CCNY: variants seen among roughly 807,000 people sequenced by gnomAD.
The protein encoded by CCNY is cyclin Y.
Under a neutral mutation model 42.8 loss-of-function variants are expected in CCNY, and 19 were observed. The ratio of observed to expected loss-of-function variants is 0.44; its 90% CI spans 0.31 to 0.65. The LOEUF is 0.65. CCNY is among the 30% of genes least tolerant of loss of function. The pLI is 0.07. For synonymous variants in CCNY, 165 were observed against 162.7 expected (o/e 1.01, Z -0.11); for missense variants, 370 against 437.3 (o/e 0.85, Z 1.37).
At chr10:35,252,392 C>T (rs1335737059) in intron 3 of CCNY, among the ~76,000 whole-genome samples, 1 of 151,726 alleles carries the variant, frequency 6.6e-6, no homozygotes, top group Non-Finnish European at 1.5e-5. Context: ...GGTGAAACCC[C>T]GTCTCTACTA....
chr10:35,426,109 GCGCACACA>G (rs1421128611), intron 1 of CCNY, among the ~76,000 whole-genome samples: 6,291 of 111,676 alleles, frequency 0.056, 268 homozygotes, highest in African/African-American at 0.084. Flanking sequence ...GGTCCAGCAC[GCGCACACA>G]CACACACACA....
chr10:35,513,586 T>G (rs771037966), intron 3 of CCNY, among the ~76,000 whole-genome samples: 23 of 152,212 alleles, frequency 1.5e-4, no homozygotes, highest in Non-Finnish European at 2.9e-4. Flanking sequence ...AAATACTAAT[T>G]CATGCACTCC....
intron 8 of CCNY, among the ~76,000 whole-genome samples, chr10:35,562,727 C>T (rs185847598): frequency 2.6e-5 from 4 of 152,264 alleles, no homozygotes; most frequent in East Asian, 3.9e-4. Flanking sequence ...CCCATGGACA[C>T]TTGGGTTACC....
chr10:35,441,199 A>G lies in CCNY; in HGVS notation c.155-42205A>G, dbSNP rs556864019. The stretch of plus-strand genomic sequence containing the variant: ...CTTCTGAATACCGCCTTGTTTTACC[A>G]TGTTGCAGAATGGAACCATTGTAAG... On this transcript the variant is annotated intron_variant, in intron 1 of 9. Transcript: ENST00000374704. Among the ~76,000 whole-genome samples, 6 of 152,332 alleles carry G rather than the reference A, an allele frequency of 3.9e-5. No homozygotes were observed. The South Asian group carries it at 1.2e-3, about 32-fold the overall frequency.
intron 1 of CCNY, among the ~76,000 whole-genome samples, chr10:35,374,456 A>C (rs1164800407): frequency 6.6e-6 from 1 of 152,216 alleles, no homozygotes; most frequent in Non-Finnish European, 1.5e-5. Context: ...CAGGGGTTTT[A>C]TCTCTCATCT....
chr10:35,304,319 T>A lies in CCNY; in HGVS notation c.-9+53693T>A, dbSNP rs1173011522. Among the ~76,000 whole-genome samples the A allele has an allele frequency of 1.6e-4, 17 of 108,110 alleles. 6 individuals are homozygous for A. The highest frequency in any genetic ancestry group is 3.2e-4 in the South Asian group (1 of 3,144). The allele number at this position is 108,110 out of a possible 152,430, so 70.9% of individuals were successfully genotyped here. A position where few individuals can be genotyped will look rare whatever the true frequency, so the allele number is the denominator to read the frequency against. The stretch of plus-strand genomic sequence containing the variant: ...ATTTTTTTTTTTTTTTTATTTTTTA[T>A]TTTTTTTTGAGACGGAGTCTCGCTC... On this transcript the variant is annotated intron_variant, in intron 3 of 11. Coordinates refer to the CCNY transcript ENST00000374706.
At chr10:35,271,910 C>T (rs1361071662) in intron 3 of CCNY, among the ~76,000 whole-genome samples, 1 of 152,214 alleles carries the variant, frequency 6.6e-6, no homozygotes, top group Non-Finnish European at 1.5e-5. Flanking sequence ...TCACTCTTCA[C>T]TTGCACTCAG....
At chr10:35,448,864 T>C (rs1395212082) in intron 1 of CCNY, among the ~76,000 whole-genome samples, 1 of 152,018 alleles carries the variant, frequency 6.6e-6, no homozygotes, top group Non-Finnish European at 1.5e-5. Context: ...CTGTGGCAAC[T>C]ATGGAGAGAA....
intron 1 of CCNY, among the ~76,000 whole-genome samples, chr10:35,358,315 T>C (rs1296371818): frequency 1.3e-5 from 2 of 151,982 alleles, no homozygotes; most frequent in Admixed American, 1.3e-4. Context: ...AGAATAGCAT[T>C]GTGTGAGGTG....
chr10:35,268,850 G>C (rs149782686), intron 3 of CCNY, among the ~76,000 whole-genome samples: 11 of 152,218 alleles, frequency 7.2e-5, no homozygotes, highest in Non-Finnish European at 1.3e-4. Flanking sequence ...GCCAGAATGC[G>C]GGGAGGCAGC....
intron 1 of CCNY, among the ~76,000 whole-genome samples, chr10:35,480,769 C>G (rs1205005642): frequency 1.3e-5 from 2 of 152,138 alleles, no homozygotes; most frequent in Admixed American, 6.5e-5. Flanking sequence ...GAGCTTGAGA[C>G]CAGCCTGGGC....
chr10:35,420,793 A>T (rs1342140834), intron 1 of CCNY, among the ~76,000 whole-genome samples: 1 of 152,244 alleles, frequency 6.6e-6, no homozygotes, highest in African/African-American at 2.4e-5. Flanking sequence ...CCTAAGCTGA[A>T]TGTGAACGGA....
intron 3 of CCNY, among the ~76,000 whole-genome samples, chr10:35,330,740 A>G (rs925165302): frequency 1.3e-5 from 2 of 151,182 alleles, no homozygotes; most frequent in African/African-American, 4.9e-5. Flanking sequence ...CAAGAAGCAG[A>G]GAAGAGGCAG....
At chr10:35,264,910 T>C (rs1421750976) in intron 3 of CCNY, among the ~76,000 whole-genome samples, 2 of 152,222 alleles carry the variant, frequency 1.3e-5, no homozygotes, top group Non-Finnish European at 2.9e-5. Context: ...ATTACAGGCC[T>C]GAGCCACCGC....
At chr10:35,350,040 A>G (rs564218899) in intron 1 of CCNY, among the ~76,000 whole-genome samples, 13 of 152,296 alleles carry the variant, frequency 8.5e-5, no homozygotes, top group Middle Eastern at 6.8e-3. Context: ...AATGAGCCCT[A>G]TGTCTCCTCC....
chr10:35,386,875 G>T (rs545729919), intron 1 of CCNY, among the ~76,000 whole-genome samples: 1 of 152,074 alleles, frequency 6.6e-6, no homozygotes, highest in Non-Finnish European at 1.5e-5. Flanking sequence ...ATGGAGGGGT[G>T]GGGGATGGTG....
intron 2 of CCNY, among the ~76,000 whole-genome samples, chr10:35,494,723 A>G (rs933385056): frequency 6.6e-6 from 1 of 152,242 alleles, no homozygotes; most frequent in African/African-American, 2.4e-5. Context: ...TAACACACCA[A>G]TAGAAAAATG....
intron 3 of CCNY, among the ~76,000 whole-genome samples, chr10:35,312,451 G>A (rs977723363): frequency 3.4e-5 from 5 of 149,008 alleles, no homozygotes; most frequent in African/African-American, 1.2e-4. Flanking sequence ...GCAAACTAAT[G>A]CATGTGGGCC....
intron 3 of CCNY, chr10:35,327,692 G>GA: frequency 6.6e-6 from 1 of 152,218 alleles, no homozygotes; most frequent in Non-Finnish European, 1.5e-5. Context: ...TGTATACACA[G>GA]AAGCTTCCCA....
Sources: gnomAD v4.1 joint callset for allele counts (sites outside exome capture counted in the v4.1 genomes callset) on GRCh38, gnomAD v4.1.1 for gene constraint, MANE v1.5 for transcripts, NCBI Gene and HGNC (gene_info 2026-07-23, HGNC 2026-07-21) for gene names.